The following EIF2AK4 variants were observed in gnomAD, a reference collection of about 807,000 sequenced individuals.
EIF2AK4 encodes the protein eIF-2-alpha kinase GCN2.
In EIF2AK4, 139 loss-of-function variants were observed where a neutral mutation model predicts 211.1. The ratio of observed to expected loss-of-function variants is 0.66; its 90% confidence interval spans 0.57 to 0.76. The LOEUF (loss-of-function observed/expected upper bound fraction) is 0.76. EIF2AK4 is among the 30% of genes least tolerant of loss of function. EIF2AK4 has a pLI of 0.00. For synonymous variants in EIF2AK4, 710 were observed against 751.3 expected, an observed-to-expected ratio of 0.94 and a Z score of 0.90; for missense variants, 1,664 against 2,043.8, an observed-to-expected ratio of 0.81 and a Z score of 3.58.
chr15:39,935,280 AAACT>A lies in EIF2AK4; in HGVS notation c.144+943_144+946del, dbSNP rs536164919. Among the ~76,000 whole-genome samples, 14 of 152,176 alleles carry A rather than the reference AAACT, an allele frequency of 9.2e-5. No homozygotes were observed. In the East Asian group the frequency reaches 2.7e-3, roughly 29 times the overall value. On this transcript the variant is annotated intron_variant, in intron 1 of 38. Transcript: ENST00000263791. ...CCCATCCTTGAAGAGTTGATCTACCAAACTATTTCTGAATATTATCATATTATCA... is the reference window on the plus strand; with the variant it reads ...CCCATCCTTGAAGAGTTGATCTACCAATTTCTGAATATTATCATATTATCA...
At chr15:39,998,050 T>G (rs1258890370) in intron 19 of EIF2AK4, among the ~76,000 whole-genome samples, 1 of 152,180 alleles carries the variant, frequency 6.6e-6, no homozygotes, top group Non-Finnish European at 1.5e-5. Context: ...GTGAGTACAG[T>G]GTGGACAGCT....
intron 15 of EIF2AK4, among the ~76,000 whole-genome samples, chr15:39,989,199 T>C (rs1390843466): frequency 6.6e-6 from 1 of 152,222 alleles, no homozygotes; most frequent in Non-Finnish European, 1.5e-5. Flanking sequence ...ATTGCCATTA[T>C]AATATAAATG....
chr15:39,966,505 A>AC (rs1403274852), intron 8 of EIF2AK4, among the ~76,000 whole-genome samples: 2 of 151,456 alleles, frequency 1.3e-5, no homozygotes, highest in South Asian at 2.1e-4. Context: ...TGTCTCCAAA[A>AC]AAAAAAAAAG....
intron 2 of EIF2AK4, among the ~76,000 whole-genome samples, chr15:39,942,490 A>G (rs1051056606): frequency 2.0e-5 from 3 of 152,242 alleles, no homozygotes; most frequent in South Asian, 2.1e-4. Flanking sequence ...GAACGCATAG[A>G]TAAGTGCATA....
At chr15:40,006,284 CA>C (rs1336697762) in intron 23 of EIF2AK4, among the ~76,000 whole-genome samples, 2 of 150,726 alleles carry the variant, frequency 1.3e-5, no homozygotes, top group Non-Finnish European at 3.0e-5. Flanking sequence ...AAATAAACAG[CA>C]AATCAGATGA....
Position 39,967,477 on chromosome 15 carries a change from G to T in EIF2AK4, c.1151G>T (p.Gly384Val). ...GACATTTTAGTGGAGCACATTAGTG[G>T]GGTCTCTCTTGCTGCACACCTGAGC... ...VVDILVEHIS[G>V]VSLAAHLSHS... The change falls in exon 9 of 39, where the codon GGG becomes GTG. Residue 384 changes from glycine (G) to valine (V), a missense_variant. This residue lies in a region of EIF2AK4 where 641 missense variants were observed against 729.6 expected (regional missense o/e 0.88). Coordinates refer to ENST00000263791, the MANE Select transcript of EIF2AK4 (RefSeq NM_001013703.4). 1 of 1,614,066 alleles carries T rather than the reference G, an allele frequency of 6.2e-7. No individual in the cohort carries two copies. Among genetic ancestry groups the T allele is most frequent in the Non-Finnish European group, 8.5e-7 (1 of 1,180,020 alleles).
intron 27 of EIF2AK4, among the ~76,000 whole-genome samples, chr15:40,012,064 A>G (rs2035242172): frequency 6.6e-6 from 1 of 152,176 alleles, no homozygotes. Context: ...CTGACACTCA[A>G]TTATATGATC....
Position 40,009,710 on chromosome 15 carries a change from A to G in EIF2AK4, c.3673A>G (p.Ile1225Val). The change falls in exon 26 of 39, where the codon ATT (isoleucine) becomes GTT (valine). Residue 1225 changes from isoleucine (I) to valine (V), a missense_variant. This residue lies in a region of EIF2AK4 where 622 missense variants were observed against 796.8 expected (regional missense o/e 0.78). Coordinates refer to ENST00000263791, the MANE Select transcript of EIF2AK4 (RefSeq NM_001013703.4). ...AGAAGATAAACTCAGTCAAGTCTAC[A>G]TTATTCTGTATGATGCTGTGGTAAG... ...IPEDKLSQVY[I>V]ILYDAVTEKL... The G allele has an allele frequency of 6.3e-7, 1 of 1,599,580 alleles. No individual in the cohort carries two copies.
intron 7 of EIF2AK4, among the ~76,000 whole-genome samples, chr15:39,963,416 A>G (rs1405563319): frequency 1.3e-5 from 2 of 152,252 alleles, no homozygotes; most frequent in African/African-American, 2.4e-5. Context: ...TACCCTTATT[A>G]GGAGGCACAT....
chr15:40,032,312 C>T, intron 36 of EIF2AK4, 75 bp downstream of exon 36: 3 of 1,346,318 alleles, frequency 2.2e-6, no homozygotes, highest in Non-Finnish European at 3.2e-6. Context: ...GGGTTCAGAG[C>T]TTTTTTGCTC....
At chr15:39,988,864 C>G (rs908260578) in intron 15 of EIF2AK4, among the ~76,000 whole-genome samples, 1 of 152,056 alleles carries the variant, frequency 6.6e-6, no homozygotes, top group Non-Finnish European at 1.5e-5. Context: ...AGCTGAGTGT[C>G]GTGGTGCACA....
intron 2 of EIF2AK4, among the ~76,000 whole-genome samples, chr15:39,940,549 A>G (rs1342696667): frequency 1.3e-5 from 2 of 152,194 alleles, no homozygotes; most frequent in East Asian, 3.9e-4. Flanking sequence ...TGGCCCCCAA[A>G]ACTGTCCTGA....
intron 35 of EIF2AK4, among the ~76,000 whole-genome samples, chr15:40,031,712 T>C (rs1454037408): frequency 6.6e-6 from 1 of 151,776 alleles, no homozygotes; most frequent in East Asian, 1.9e-4. Flanking sequence ...CCTTTCTGAG[T>C]GGATTAAGAG....
At chr15:39,962,413 C>T in intron 7 of EIF2AK4, among the ~76,000 whole-genome samples, 1 of 152,122 alleles carries the variant, frequency 6.6e-6, no homozygotes, top group East Asian at 1.9e-4. Context: ...TCATATACAG[C>T]TAATGCTGAT....
intron 37 of EIF2AK4, among the ~76,000 whole-genome samples, 197 bp downstream of exon 37, chr15:40,032,998 C>CT (rs2035563366): frequency 6.6e-6 from 1 of 152,106 alleles, no homozygotes; most frequent in South Asian, 2.1e-4. Flanking sequence ...TTTCTAGTGA[C>CT]TTTATTTTTC....
chr15:39,939,673 TAGAAAC>T, intron 2 of EIF2AK4, 56 bp downstream of exon 2: 3 of 1,386,548 alleles, frequency 2.2e-6, no homozygotes, highest in Non-Finnish European at 3.0e-6. Flanking sequence ...TTTGACAACA[TAGAAAC>T]AGATTGAAAT....
chr15:40,035,288 A>G lies in EIF2AK4; in HGVS notation c.*204A>G. On this transcript the variant is annotated 3_prime_UTR_variant, in exon 39 of 39. Transcript: ENST00000263791. The stretch of plus-strand genomic sequence containing the variant: ...AGTTTGAGACCAGCCTGAGCAACAA[A>G]GCAAGACCCCATCTCTATAAAAACT... 2.8e-6 allele frequency: 1 copy of G among 360,708 alleles called. No homozygotes were observed. The allele number at this position is 360,708 out of a possible 1,614,324, so 22.3% of individuals were successfully genotyped here.
chr15:39,958,951 T>G (rs997690200), intron 6 of EIF2AK4, among the ~76,000 whole-genome samples: 1 of 152,238 alleles, frequency 6.6e-6, no homozygotes. Context: ...GGTATCAAGC[T>G]CCTAGCTGCC....
intron 23 of EIF2AK4, among the ~76,000 whole-genome samples, chr15:40,006,326 T>C (rs1053989573): frequency 6.6e-6 from 1 of 152,130 alleles, no homozygotes; most frequent in African/African-American, 2.4e-5. Context: ...AAAAAAAGAA[T>C]AGAAGTACAA....
Sources: gnomAD v4.1 joint callset for allele counts (sites outside exome capture counted in the v4.1 genomes callset) on GRCh38, gnomAD v4.1.1 for gene constraint, gnomAD v4.1.1 regional missense constraint, MANE v1.5 for transcripts, NCBI Gene and HGNC (gene_info 2026-07-23, HGNC 2026-07-21) for gene names.